SLC26A7: variants seen among roughly 807,000 people sequenced by gnomAD.
The protein encoded by SLC26A7 is solute carrier family 26 member 7.
A neutral mutation model predicts 82.5 loss-of-function variants in SLC26A7; 59 were observed. The ratio of observed to expected loss-of-function variants is 0.72; its 90% confidence interval spans 0.58 to 0.89. The LOEUF (loss-of-function observed/expected upper bound fraction) is 0.89, where lower values mean the gene tolerates loss of function less well. SLC26A7 is among the 40% of genes least tolerant of loss of function. The pLI, the probability that SLC26A7 is intolerant of heterozygous loss-of-function variation, is 0.00. For missense variants in SLC26A7, 820 were observed against 793.0 expected (o/e 1.03, Z -0.41); for synonymous variants, 271 against 274.3 (o/e 0.99, Z 0.12).
At chr8:91,365,415 A>G (rs1200730337) in intron 13 of SLC26A7, among the ~76,000 whole-genome samples, 2 of 152,338 alleles carry the variant, frequency 1.3e-5, no homozygotes, top group East Asian at 3.9e-4. Context: ...CTCACAGGCC[A>G]TGGGTTGGAC....
chr8:91,267,269 CAT>C (rs1035575560), intron 2 of SLC26A7, among the ~76,000 whole-genome samples: 2 of 151,822 alleles, frequency 1.3e-5, no homozygotes, highest in Non-Finnish European at 2.9e-5. Flanking sequence ...ATGCTAGCCT[CAT>C]AGAATGAGTT....
intron 1 of SLC26A7, among the ~76,000 whole-genome samples, chr8:91,209,912 T>C (rs556227588): frequency 6.6e-6 from 1 of 152,324 alleles, no homozygotes; most frequent in East Asian, 1.9e-4. Flanking sequence ...TCAACATCTT[T>C]ACTGAGTTCT....
intron 2 of SLC26A7, among the ~76,000 whole-genome samples, chr8:91,233,071 A>G (rs1440746783): frequency 6.6e-6 from 1 of 152,158 alleles, no homozygotes; most frequent in Non-Finnish European, 1.5e-5. Flanking sequence ...GTCCTGCTTG[A>G]TTGTATTTAA....
intron 15 of SLC26A7, among the ~76,000 whole-genome samples, chr8:91,384,611 T>G (rs890338511): frequency 6.6e-6 from 1 of 152,116 alleles, no homozygotes; most frequent in African/African-American, 2.4e-5. Context: ...TCATCACACT[T>G]TAATTTACTA....
At chr8:91,353,187 TA>T (rs1252282173) in intron 11 of SLC26A7, among the ~76,000 whole-genome samples, 191 bp downstream of exon 11, 10 of 152,232 alleles carry the variant, frequency 6.6e-5, no homozygotes, top group African/African-American at 1.9e-4. Context: ...GAAACAGAAA[TA>T]AGAGTTTGGT....
intron 4 of SLC26A7, among the ~76,000 whole-genome samples, chr8:91,316,166 G>C (rs1409341826): frequency 6.6e-6 from 1 of 152,200 alleles, no homozygotes; most frequent in Non-Finnish European, 1.5e-5. Flanking sequence ...AGTGGTACCA[G>C]ATATCACTTT....
chr8:91,303,264 A>G lies in SLC26A7; in HGVS notation c.477+7561A>G, dbSNP rs113357705. 1.5e-3 allele frequency among the ~76,000 whole-genome samples: 225 copies of G among 152,282 alleles called. 2 individuals carry two copies. The highest frequency in any genetic ancestry group is 5.3e-3 in the African/African-American group (221 of 41,568). On this transcript the variant is annotated intron_variant, in intron 4 of 18. Transcript: ENST00000276609. Reference sequence around the variant, plus strand: ...CCAATGCACTTTAAAAACCATTGTTATCTTCTCCCTGTAGCTTTTATTATT... The same window carrying G: ...CCAATGCACTTTAAAAACCATTGTTGTCTTCTCCCTGTAGCTTTTATTATT...
chr8:91,224,593 C>T (rs1473424331), intron 2 of SLC26A7, among the ~76,000 whole-genome samples: 2 of 152,212 alleles, frequency 1.3e-5, no homozygotes, highest in Non-Finnish European at 2.9e-5. Context: ...TGAGAGGCCC[C>T]AACCCCTGAT....
At chr8:91,286,244 A>G (rs974377281) in intron 2 of SLC26A7, among the ~76,000 whole-genome samples, 1 of 152,184 alleles carries the variant, frequency 6.6e-6, no homozygotes, top group Admixed American at 6.5e-5. Context: ...TCAGTTTCAC[A>G]CTAAGGGCTT....
At chr8:91,233,783 T>TA (rs1451371424) in intron 2 of SLC26A7, among the ~76,000 whole-genome samples, 4 of 152,176 alleles carry the variant, frequency 2.6e-5, no homozygotes, top group African/African-American at 9.7e-5. Context: ...GCTTTGGTCA[T>TA]AGAGTCCTCC....
intron 4 of SLC26A7, among the ~76,000 whole-genome samples, chr8:91,302,818 C>CTTTTTTTTTTTTTT (rs11333572): frequency 3.1e-5 from 4 of 129,616 alleles, no homozygotes; most frequent in South Asian, 2.5e-4. Flanking sequence ...TTCCCCTTCT[C>CTTTTTTTTTTTTTT]TTTTTTTTTT....
At chr8:91,385,513 C>T (rs117002001) in intron 15 of SLC26A7, among the ~76,000 whole-genome samples, 6,400 of 152,270 alleles carry the variant, frequency 0.042, 183 homozygotes, top group Middle Eastern at 0.088. Flanking sequence ...CATGAATTGC[C>T]TCTCTTCAAA....
intron 2 of SLC26A7, among the ~76,000 whole-genome samples, chr8:91,272,480 A>G (rs554983237): frequency 3.9e-5 from 6 of 152,092 alleles, no homozygotes; most frequent in African/African-American, 4.8e-5. Flanking sequence ...AGCACGATCA[A>G]CTCTTCCTGG....
chr8:91,246,340 G>A (rs367672995), upstream of SLC26A7, among the ~76,000 whole-genome samples: 6 of 152,096 alleles, frequency 3.9e-5, no homozygotes, highest in East Asian at 7.7e-4. Context: ...AGTCAGACTG[G>A]ATAAAAATCA....
At chr8:91,228,389 G>C (rs575916958) in intron 2 of SLC26A7, among the ~76,000 whole-genome samples, 1 of 152,168 alleles carries the variant, frequency 6.6e-6, no homozygotes, top group Non-Finnish European at 1.5e-5. Flanking sequence ...GGCCATCCAC[G>C]GGCAGCTGAG....
intron 15 of SLC26A7, among the ~76,000 whole-genome samples, chr8:91,379,160 T>G (rs968586881): frequency 3.3e-5 from 5 of 152,158 alleles, no homozygotes; most frequent in African/African-American, 1.2e-4. Context: ...AAAATACCTG[T>G]AGCAAGTAAA....
chr8:91,303,654 C>T (rs1812227320), intron 4 of SLC26A7, among the ~76,000 whole-genome samples: 1 of 152,100 alleles, frequency 6.6e-6, no homozygotes, highest in South Asian at 2.1e-4. Flanking sequence ...GACACATGGT[C>T]TTATGTCTTC....
intron 2 of SLC26A7, among the ~76,000 whole-genome samples, chr8:91,238,011 C>A (rs894143354): frequency 6.6e-6 from 1 of 152,156 alleles, no homozygotes; most frequent in African/African-American, 2.4e-5. Context: ...TTCATAGTAT[C>A]ACCATATATG....
At chr8:91,222,227 C>G (rs1473119605) in intron 2 of SLC26A7, among the ~76,000 whole-genome samples, 1 of 152,090 alleles carries the variant, frequency 6.6e-6, no homozygotes, top group Non-Finnish European at 1.5e-5. Context: ...GATTTTGTAT[C>G]CTGAGACTGC....
Sources: gnomAD v4.1 joint callset for allele counts (sites outside exome capture counted in the v4.1 genomes callset) on GRCh38, gnomAD v4.1.1 for gene constraint, MANE v1.5 for transcripts, NCBI Gene and HGNC (gene_info 2026-07-23, HGNC 2026-07-21) for gene names.